The following SRFBP1 variants were observed in gnomAD, a reference collection of about 807,000 sequenced individuals.
SRFBP1 encodes the protein serum response factor-binding protein 1.
A neutral mutation model predicts 45.5 loss-of-function variants in SRFBP1; 47 were observed. The ratio of observed to expected loss-of-function variants is 1.03; its 90% CI spans 0.82 to 1.32. SRFBP1 has a LOEUF of 1.32. SRFBP1 is among the 40% of genes most tolerant of loss of function. The pLI, the probability that SRFBP1 is intolerant of heterozygous loss-of-function variation, is 0.00. For synonymous variants in SRFBP1, 203 were observed against 166.3 expected, an observed-to-expected ratio of 1.22 and a Z score of -1.70; for missense variants, 621 against 484.6, an observed-to-expected ratio of 1.28 and a Z score of -2.64.
chr5:122,009,532 A>C (rs778814574), intron 4 of SRFBP1, among the ~76,000 whole-genome samples: 1 of 152,176 alleles, frequency 6.6e-6, no homozygotes, highest in African/African-American at 2.4e-5. Flanking sequence ...AAACATAAAG[A>C]TGTGATATTT....
chr5:122,073,551 G>T (rs1047898922), intron 2 of SRFBP1, among the ~76,000 whole-genome samples: 6 of 152,172 alleles, frequency 3.9e-5, no homozygotes, highest in African/African-American at 1.4e-4. Flanking sequence ...AAAAAACAGA[G>T]ATATCTTTTT....
downstream of SRFBP1, among the ~76,000 whole-genome samples, chr5:122,076,699 A>G (rs1754645703): frequency 7.0e-6 from 1 of 142,446 alleles, no homozygotes; most frequent in African/African-American, 2.5e-5. Context: ...ACTTTGAGAC[A>G]GAACCCACAG....
At chr5:122,026,521 G>A (rs1332266685) in intron 7 of SRFBP1, among the ~76,000 whole-genome samples, 3 of 152,170 alleles carry the variant, frequency 2.0e-5, no homozygotes, top group African/African-American at 7.2e-5. Flanking sequence ...AGACTCAGTG[G>A]AGTGTCTTAG....
chr5:122,014,147 T>C (rs1241804218), intron 4 of SRFBP1, among the ~76,000 whole-genome samples: 1 of 152,164 alleles, frequency 6.6e-6, no homozygotes, highest in Non-Finnish European at 1.5e-5. Context: ...ACTCTATAAG[T>C]GTCTAAAATT....
downstream of SRFBP1, chr5:122,076,935 A>C: frequency 6.2e-7 from 1 of 1,613,808 alleles, no homozygotes; most frequent in South Asian, 1.1e-5. Context: ...CAGGTTGTAC[A>C]TGGACATCTT....
At chr5:122,069,421 A>T (rs1185567568) in intron 2 of SRFBP1, among the ~76,000 whole-genome samples, 1 of 152,110 alleles carries the variant, frequency 6.6e-6, no homozygotes, top group Non-Finnish European at 1.5e-5. Flanking sequence ...AAACCTACCC[A>T]ACCTTTTTTC....
chr5:121,996,900 C>A (rs1302980764), intron 4 of SRFBP1, among the ~76,000 whole-genome samples: 6 of 147,932 alleles, frequency 4.1e-5, no homozygotes, highest in South Asian at 2.2e-4. Context: ...ATCATGAGTG[C>A]ACTCCCATTC....
At chr5:121,991,316 C>A (rs1752615291) in intron 3 of SRFBP1, among the ~76,000 whole-genome samples, 1 of 151,880 alleles carries the variant, frequency 6.6e-6, no homozygotes, top group Non-Finnish European at 1.5e-5. Flanking sequence ...TTCAGTCCTA[C>A]AGTGATAAAA....
intron 7 of SRFBP1, among the ~76,000 whole-genome samples, chr5:122,025,376 G>C (rs563798348): frequency 6.6e-6 from 1 of 152,240 alleles, no homozygotes; most frequent in African/African-American, 2.4e-5. Flanking sequence ...GGACATTTGG[G>C]TTGGTTCCAA....
At chr5:121,993,139 T>G (rs1259224580) in intron 3 of SRFBP1, among the ~76,000 whole-genome samples, 2 of 152,182 alleles carry the variant, frequency 1.3e-5, no homozygotes, top group African/African-American at 4.8e-5. Flanking sequence ...AACTTCACTT[T>G]CTATATATCT....
At position 122,048,723 on chromosome 5, in the gene SRFBP1, G is replaced by A. The variant is rs567314490; in HGVS notation, n.311+26316G>A. The stretch of plus-strand genomic sequence containing the variant: ...TATTAATTATTGCCTCAATTTCAGA[G>A]CCTGTTATTGGTCTTTTCAGAGATT... On this transcript the variant is annotated intron_variant and non_coding_transcript_variant, in intron 2 of 2. Coordinates refer to the SRFBP1 transcript ENST00000504881. Among the ~76,000 whole-genome samples the A allele has an allele frequency of 3.3e-5, 5 of 152,084 alleles. 1 individual carries two copies. Among genetic ancestry groups the A allele is most frequent in the South Asian group, 4.1e-4 (2 of 4,828 alleles).
intron 1 of SRFBP1, among the ~76,000 whole-genome samples, chr5:121,969,760 G>A (rs1752149521): frequency 6.6e-6 from 1 of 151,982 alleles, no homozygotes; most frequent in Non-Finnish European, 1.5e-5. Flanking sequence ...CCTTGGCTTG[G>A]CTTAATCAGT....
intron 7 of SRFBP1, among the ~76,000 whole-genome samples, chr5:122,023,666 G>A (rs1389554876): frequency 2.6e-5 from 4 of 152,120 alleles, no homozygotes; most frequent in African/African-American, 9.7e-5. Context: ...TCTGAGGTGG[G>A]TATTTAACAT....
At chr5:121,995,246 T>C (rs895545417) in intron 4 of SRFBP1, among the ~76,000 whole-genome samples, 5 of 151,790 alleles carry the variant, frequency 3.3e-5, no homozygotes, top group African/African-American at 9.7e-5. Context: ...TATTCCAAAA[T>C]TGACCACATA....
At chr5:121,995,488 C>T (rs2112676480) in intron 4 of SRFBP1, among the ~76,000 whole-genome samples, 1 of 152,022 alleles carries the variant, frequency 6.6e-6, no homozygotes, top group East Asian at 1.9e-4. Flanking sequence ...CACAACATAC[C>T]AGAATCTCTG....
chr5:122,033,623 G>T (rs572319968), downstream of SRFBP1, among the ~76,000 whole-genome samples: 1 of 150,404 alleles, frequency 6.6e-6, no homozygotes, highest in East Asian at 2.0e-4. Context: ...CACCACGCCT[G>T]GTTTTTTATA....
rs891245495 is a variant in SRFBP1 at position 122,017,161 on chromosome 5, G to A, written c.271-2099G>A. ...GGAGAATCGCTTGAACCCGGGAGGC[G>A]GAGGTTGCAGTAAGCCAAGATCACG... On this transcript the variant is annotated intron_variant, in intron 4 of 7. Coordinates refer to ENST00000339397, the MANE Select transcript of SRFBP1 (RefSeq NM_152546.3). 2.6e-5 allele frequency among the ~76,000 whole-genome samples: 4 copies of A among 152,072 alleles called. 1 individual carries two copies. Among genetic ancestry groups the A allele is most frequent in the South Asian group, 2.1e-4 (1 of 4,832 alleles).
intron 2 of SRFBP1, among the ~76,000 whole-genome samples, chr5:122,046,216 G>T (rs1753855597): frequency 6.6e-6 from 1 of 151,660 alleles, no homozygotes; most frequent in Non-Finnish European, 1.5e-5. Context: ...CCCACAACAG[G>T]CCCCAATGTG....
chr5:121,967,206 C>T (rs1386976507), intron 1 of SRFBP1, among the ~76,000 whole-genome samples: 1 of 152,152 alleles, frequency 6.6e-6, no homozygotes, highest in Non-Finnish European at 1.5e-5. Context: ...TGAGTTTCCT[C>T]CACATATTGT....
Sources: allele counts gnomAD v4.1 joint callset (sites outside exome capture counted in the v4.1 genomes callset), GRCh38; gene constraint gnomAD v4.1.1; transcripts MANE v1.5; gene names NCBI Gene and HGNC (gene_info 2026-07-23, HGNC 2026-07-21).